SNX6: variants seen among roughly 807,000 people sequenced by gnomAD.
SNX6 encodes sorting nexin-6.
SNX6 carries 34 observed loss-of-function variants against 63.0 expected under a neutral mutation model. That is an observed-to-expected ratio of 0.54 (90% CI 0.41 to 0.72). SNX6 has a LOEUF of 0.72. Among genes scored for constraint, SNX6 ranks in the 30% least tolerant of loss-of-function variants. SNX6 has a pLI of 0.00. For synonymous variants in SNX6, 170 were observed against 164.2 expected (o/e 1.04, Z -0.27); for missense variants, 398 against 471.4 (o/e 0.84, Z 1.44).
chr14:34,623,205 G>A (rs1163422117), intron 2 of SNX6, among the ~76,000 whole-genome samples: 1 of 152,066 alleles, frequency 6.6e-6, no homozygotes. Flanking sequence ...AAGTGTGCAG[G>A]TGCAAAACAA....
At position 34,593,068 on chromosome 14, in the gene SNX6, T is replaced by A. The variant is rs1308063737; in HGVS notation, c.695A>T (p.Asp232Val). The A allele has an allele frequency of 1.9e-6, 3 of 1,601,738 alleles. 1 individual carries two copies. The South Asian group carries it at 3.4e-5, about 18-fold the overall frequency. ...NRVKDASAKS[D>V]RMTRSHKSAA... is the part of the protein sequence containing the mutation. ...ACTTTTGTGGGATCTTGTCATTCTA[T>A]CAGATTTAGCAGATGCATCCTTAAC... is the stretch of plus-strand genomic sequence containing the variant. The change falls in exon 8 of 14, where the codon GAT (aspartate) becomes GTT (valine). Residue 232 changes from aspartate (D) to valine (V), a missense_variant. Asp to Val is a radical substitution (Grantham distance 152). Coordinates refer to ENST00000362031, the MANE Select transcript of SNX6 (RefSeq NM_152233.4).
chr14:34,602,152 G>A (rs574680492), intron 6 of SNX6, among the ~76,000 whole-genome samples: 105 of 151,584 alleles, frequency 6.9e-4, no homozygotes, highest in Non-Finnish European at 1.2e-3. Context: ...TAGGCCGGGC[G>A]CAGTGGCTCA....
At chr14:34,576,821 T>C (rs1482240390) in intron 10 of SNX6, among the ~76,000 whole-genome samples, 2 of 151,516 alleles carry the variant, frequency 1.3e-5, no homozygotes, top group African/African-American at 2.4e-5. Flanking sequence ...TGGTGGCTCA[T>C]GCCTGTATTC....
At chr14:34,574,637 A>AG (rs1315665952) in intron 11 of SNX6, among the ~76,000 whole-genome samples, 5 of 151,842 alleles carry the variant, frequency 3.3e-5, no homozygotes, top group African/African-American at 9.6e-5. Context: ...AAAAAAAAAA[A>AG]AAAAAGAAAG....
chr14:34,567,331 A>G (rs1490177763), intron 13 of SNX6, among the ~76,000 whole-genome samples: 1 of 152,070 alleles, frequency 6.6e-6, no homozygotes, highest in African/African-American at 2.4e-5. Flanking sequence ...TACTAAAAAT[A>G]CAAAAATTAC....
chr14:34,606,616 C>A (rs979015124), intron 4 of SNX6, among the ~76,000 whole-genome samples: 1 of 151,960 alleles, frequency 6.6e-6, no homozygotes, highest in Non-Finnish European at 1.5e-5. Context: ...CCATGCCTGG[C>A]TAATTTTGTA....
Position 34,608,064 on chromosome 14 carries a change from G to C in SNX6, c.236C>G (p.Ser79Cys). 1.2e-6 allele frequency: 2 copies of C among 1,607,124 alleles called. No homozygotes were observed. Among genetic ancestry groups the C allele is most frequent in the Non-Finnish European group, 8.5e-7 (1 of 1,175,448 alleles). Reference protein sequence around the residue: ...QHEEFIWLHDSFVENEDYAGY... With the variant: ...QHEEFIWLHDCFVENEDYAGY... ...TGCATAGTCTTCATTTTCAACAAAG[G>C]AATCATGAAGCCAGATAAATTCCTC... The change falls in exon 4 of 14, where the codon TCC becomes TGC. Residue 79 changes from serine (S) to cysteine (C), a missense_variant. Transcript: ENST00000362031.
chr14:34,618,058 A>G (rs1373805299), intron 2 of SNX6, among the ~76,000 whole-genome samples: 2 of 152,292 alleles, frequency 1.3e-5, no homozygotes, highest in East Asian at 3.9e-4. Flanking sequence ...AGAGAGATGG[A>G]TGAGTGGATG....
intron 8 of SNX6, among the ~76,000 whole-genome samples, chr14:34,590,705 TA>T (rs1056737458): frequency 5.3e-5 from 8 of 152,162 alleles, no homozygotes; most frequent in African/African-American, 1.9e-4. Flanking sequence ...GGTAGTTTCT[TA>T]AAAAGTTAAA....
intron 4 of SNX6, 53 bp from the exon 5 acceptor site, chr14:34,605,770 T>C (rs1594736918): frequency 3.8e-6 from 6 of 1,577,656 alleles, no homozygotes; most frequent in East Asian, 2.3e-5. Context: ...TCTTGAAGCA[T>C]TGTACTACTG....
intron 2 of SNX6, among the ~76,000 whole-genome samples, chr14:34,612,090 TTTAA>T (rs1883253754): frequency 6.6e-6 from 1 of 152,000 alleles, no homozygotes; most frequent in South Asian, 2.1e-4. Flanking sequence ...CCTTTTTTTC[TTTAA>T]TCACATTCAG....
intron 2 of SNX6, among the ~76,000 whole-genome samples, chr14:34,615,349 G>A (rs1207496420): frequency 2.0e-5 from 3 of 152,064 alleles, no homozygotes; most frequent in Non-Finnish European, 4.4e-5. Flanking sequence ...AGCCTCCTAA[G>A]CAATTGGGAC....
chr14:34,591,841 CAT>C, intron 8 of SNX6, among the ~76,000 whole-genome samples: 1 of 38,724 alleles, frequency 2.6e-5, no homozygotes, highest in Admixed American at 2.6e-4. Context: ...GCCAAATATT[CAT>C]AAACAGTTTA....
intron 10 of SNX6, among the ~76,000 whole-genome samples, 160 bp downstream of exon 10, chr14:34,581,401 C>T (rs1187579751): frequency 6.6e-6 from 1 of 152,214 alleles, no homozygotes; most frequent in Non-Finnish European, 1.5e-5. Flanking sequence ...ATCCGCCCCA[C>T]TTGGCCTCCC....
intron 9 of SNX6, among the ~76,000 whole-genome samples, chr14:34,585,853 A>G (rs975597381): frequency 2.0e-4 from 31 of 151,950 alleles, no homozygotes; most frequent in African/African-American, 7.2e-4. Flanking sequence ...CCACCTCCCA[A>G]AGTGCTGGGA....
intron 2 of SNX6, among the ~76,000 whole-genome samples, chr14:34,628,540 G>A (rs765712230): frequency 7.9e-5 from 12 of 152,078 alleles, no homozygotes; most frequent in Non-Finnish European, 1.8e-4. Context: ...GAGGTGGGAG[G>A]ATCACTTAAG....
At chr14:34,608,324 C>T (rs1883098932) in intron 3 of SNX6, among the ~76,000 whole-genome samples, 184 bp from the exon 4 acceptor site, 1 of 152,022 alleles carries the variant, frequency 6.6e-6, no homozygotes, top group Admixed American at 6.6e-5. Flanking sequence ...CTACACCACA[C>T]CTGGCTAATT....
At chr14:34,613,049 A>G (rs916463144) in intron 2 of SNX6, among the ~76,000 whole-genome samples, 8 of 151,554 alleles carry the variant, frequency 5.3e-5, no homozygotes, top group African/African-American at 1.9e-4. Flanking sequence ...TCCAAAAAAA[A>G]AAAAAAAAAA....
At chr14:34,613,860 G>C (rs1468247165) in intron 2 of SNX6, among the ~76,000 whole-genome samples, 3 of 151,668 alleles carry the variant, frequency 2.0e-5, no homozygotes, top group African/African-American at 7.3e-5. Flanking sequence ...TGTAATACCA[G>C]CACTCTGGGA....
Sources: gnomAD v4.1 joint callset for allele counts (sites outside exome capture counted in the v4.1 genomes callset) on GRCh38, gnomAD v4.1.1 for gene constraint, MANE v1.5 for transcripts, NCBI Gene and HGNC (gene_info 2026-07-23, HGNC 2026-07-21) for gene names.